SLC35F1: variants seen among roughly 807,000 people sequenced by gnomAD.
SLC35F1 encodes the protein solute carrier family 35 member F1.
In SLC35F1, 14 loss-of-function variants were observed where a neutral mutation model predicts 48.7. The ratio of observed to expected loss-of-function variants is 0.29; its 90% CI spans 0.19 to 0.45. The LOEUF (loss-of-function observed/expected upper bound fraction) is 0.45. Ranked by LOEUF, SLC35F1 falls within the 20% of genes least tolerant of loss-of-function variation. The probability of loss-of-function intolerance (pLI) is 1.00; values close to 1 mark genes in which losing one functional copy is unlikely to be tolerated. For synonymous variants in SLC35F1, 190 were observed against 202.2 expected (o/e 0.94, Z 0.51); for missense variants, 404 against 500.0 (o/e 0.81, Z 1.83).
intron 1 of SLC35F1, among the ~76,000 whole-genome samples, chr6:117,994,174 G>A (rs1776955365): frequency 6.7e-6 from 1 of 149,916 alleles, no homozygotes; most frequent in Non-Finnish European, 1.5e-5. Context: ...CTCAGCTCCT[G>A]AAGGCCACCT....
chr6:117,924,355 A>G (rs1321193140), intron 1 of SLC35F1, among the ~76,000 whole-genome samples: 1 of 137,234 alleles, frequency 7.3e-6, no homozygotes, highest in Non-Finnish European at 1.6e-5. Flanking sequence ...ATGCATATGT[A>G]TATACACACA....
intron 7 of SLC35F1, among the ~76,000 whole-genome samples, chr6:118,289,285 A>G (rs1431850666): frequency 2.0e-5 from 3 of 152,234 alleles, no homozygotes; most frequent in Non-Finnish European, 4.4e-5. Flanking sequence ...TTTGACTATT[A>G]CAAATAAATC....
chr6:118,177,093 G>A (rs530950983), intron 2 of SLC35F1, among the ~76,000 whole-genome samples: 1 of 151,928 alleles, frequency 6.6e-6, no homozygotes, highest in Non-Finnish European at 1.5e-5. Flanking sequence ...ATAATCTTTT[G>A]TATTCCTGAA....
chr6:118,193,140 T>C (rs1440955311), intron 2 of SLC35F1, among the ~76,000 whole-genome samples: 1 of 152,186 alleles, frequency 6.6e-6, no homozygotes, highest in Non-Finnish European at 1.5e-5. Flanking sequence ...AAAATCTTGT[T>C]CAAGAGAGAA....
intron 1 of SLC35F1, among the ~76,000 whole-genome samples, chr6:117,972,695 A>T (rs1776658407): frequency 6.6e-6 from 1 of 152,080 alleles, no homozygotes; most frequent in African/African-American, 2.4e-5. Flanking sequence ...TCACTATCAC[A>T]AGAACAGCAT....
chr6:117,923,675 G>A (rs12181979), intron 1 of SLC35F1, among the ~76,000 whole-genome samples: 710 of 36,294 alleles, frequency 0.02, 193 homozygotes, highest in African/African-American at 0.045. Context: ...ATACATATAT[G>A]TACATATATA....
intron 1 of SLC35F1, among the ~76,000 whole-genome samples, chr6:117,960,676 G>C (rs1776486558): frequency 1.3e-5 from 2 of 152,138 alleles, no homozygotes; most frequent in Admixed American, 6.5e-5. Context: ...TATGAATGAA[G>C]TGTATTCTCT....
At chr6:117,910,174 A>C (rs570341893) in intron 1 of SLC35F1, among the ~76,000 whole-genome samples, 2 of 152,210 alleles carry the variant, frequency 1.3e-5, no homozygotes, top group African/African-American at 4.8e-5. Context: ...CTTTTGTGCC[A>C]TAATTATGTC....
chr6:117,931,476 T>A (rs1776101320), intron 1 of SLC35F1, among the ~76,000 whole-genome samples: 1 of 152,252 alleles, frequency 6.6e-6, no homozygotes, highest in Non-Finnish European at 1.5e-5. Flanking sequence ...CATTTCTCTC[T>A]AAGCTCATGT....
At position 117,907,663 on chromosome 6, in the gene SLC35F1, C is replaced by A; in HGVS notation, c.-64C>A. The A allele has an allele frequency of 9.6e-7, 1 of 1,040,626 alleles. No homozygotes were observed. The highest frequency in any genetic ancestry group is 1.3e-6 in the Non-Finnish European group (1 of 755,764). 64.5% of individuals were successfully genotyped at this position (1,040,626 alleles called of 1,614,324 possible). The stretch of plus-strand genomic sequence containing the variant: ...CGGGTCCTCTGCGCGTTCCCGGGCC[C>A]GGAACCGGCACACGATGCACCCGGC... On this transcript the variant is annotated 5_prime_UTR_variant, in exon 1 of 8. Transcript: ENST00000360388.
intron 2 of SLC35F1, among the ~76,000 whole-genome samples, chr6:118,225,571 G>T (rs756201761): frequency 1.3e-5 from 2 of 152,176 alleles, no homozygotes; most frequent in Non-Finnish European, 2.9e-5. Context: ...ATTCCAGGAC[G>T]TTGCTCTAGG....
intron 2 of SLC35F1, among the ~76,000 whole-genome samples, chr6:118,172,944 C>T (rs1279353932): frequency 2.0e-5 from 3 of 151,990 alleles, no homozygotes; most frequent in Non-Finnish European, 4.4e-5. Context: ...AAGAGAAGCA[C>T]ACAATTAAAT....
intron 1 of SLC35F1, among the ~76,000 whole-genome samples, chr6:117,910,752 A>C (rs1775751481): frequency 6.6e-6 from 1 of 152,160 alleles, no homozygotes; most frequent in African/African-American, 2.4e-5. Flanking sequence ...GTGCAATGGG[A>C]CGAGAAATAT....
At chr6:118,129,040 C>A (rs1167827390) in intron 1 of SLC35F1, among the ~76,000 whole-genome samples, 2 of 151,888 alleles carry the variant, frequency 1.3e-5, no homozygotes, top group African/African-American at 4.8e-5. Context: ...ATTGAGTGTC[C>A]CCTATGTGAG....
intron 1 of SLC35F1, among the ~76,000 whole-genome samples, chr6:118,081,084 C>T (rs117732151): frequency 0.027 from 4,098 of 152,202 alleles, 80 homozygotes; most frequent in Non-Finnish European, 0.042. Flanking sequence ...AAGCTCAGAG[C>T]GTCACATTAA....
intron 1 of SLC35F1, among the ~76,000 whole-genome samples, chr6:118,088,006 C>CTTAA (rs1258995998): frequency 1.3e-5 from 2 of 152,124 alleles, no homozygotes; most frequent in Admixed American, 6.5e-5. Context: ...GCAATAAACA[C>CTTAA]TTAAATTGCA....
intron 1 of SLC35F1, among the ~76,000 whole-genome samples, chr6:117,990,427 G>C (rs960986047): frequency 6.6e-6 from 1 of 152,088 alleles, no homozygotes; most frequent in Non-Finnish European, 1.5e-5. Context: ...GGTTTATCTG[G>C]TGGTAGATTT....
At chr6:118,156,608 G>A (rs1774146474) in intron 2 of SLC35F1, among the ~76,000 whole-genome samples, 1 of 151,702 alleles carries the variant, frequency 6.6e-6, no homozygotes, top group Admixed American at 6.6e-5. Flanking sequence ...CATGGCACAT[G>A]TATACCTATG....
At chr6:118,170,808 T>C (rs1023128678) in intron 2 of SLC35F1, among the ~76,000 whole-genome samples, 4 of 152,162 alleles carry the variant, frequency 2.6e-5, no homozygotes, top group Non-Finnish European at 4.4e-5. Flanking sequence ...CAGTAAGTGT[T>C]TATGTAAATA....
Sources: gnomAD v4.1 joint callset for allele counts (sites outside exome capture counted in the v4.1 genomes callset) on GRCh38, gnomAD v4.1.1 for gene constraint, MANE v1.5 for transcripts, NCBI Gene and HGNC (gene_info 2026-07-23, HGNC 2026-07-21) for gene names.